The following PRDM16 variants were observed in gnomAD, a reference collection of about 807,000 sequenced individuals.
The protein encoded by PRDM16 is histone-lysine N-methyltransferase PRDM16.
A neutral mutation model predicts 110.6 loss-of-function variants in PRDM16; 23 were observed. The ratio of observed to expected loss-of-function variants is 0.21; its 90% CI spans 0.15 to 0.29. The LOEUF is 0.29. Ranked by LOEUF, PRDM16 falls within the 10% of genes least tolerant of loss-of-function variation. The pLI is 1.00. For synonymous variants in PRDM16, 799 were observed against 781.8 expected (o/e 1.02, Z -0.37); for missense variants, 1,615 against 1,794.3 (o/e 0.90, Z 1.81).
chr1:3,244,436 C>T lies in PRDM16; in HGVS notation c.438+299C>T, dbSNP rs1304089012. Among the ~76,000 whole-genome samples the T allele has an allele frequency of 6.6e-6, 1 of 152,032 alleles. No homozygotes were observed. Among genetic ancestry groups the T allele is most frequent in the Non-Finnish European group, 1.5e-5 (1 of 68,010 alleles). On this transcript the variant is annotated intron_variant, in intron 3 of 16. Transcript: ENST00000270722. This position sits in a 1 kb window ranked among gnomAD's most constrained non-coding sequence, Gnocchi z 4.1. Reference sequence around the variant, plus strand: ...CCTGTACCTGTGGGAAAGCTTCAGGCCACGCAGACAGGAAAATTAAATAAA... The same window carrying T: ...CCTGTACCTGTGGGAAAGCTTCAGGTCACGCAGACAGGAAAATTAAATAAA...
chr1:3,115,351 G>A (rs981193442), intron 1 of PRDM16, among the ~76,000 whole-genome samples: 5 of 152,240 alleles, frequency 3.3e-5, no homozygotes, highest in Non-Finnish European at 1.5e-5. Context: ...GAGTGCAGGG[G>A]GCCTGGAAAG....
intron 3 of PRDM16, among the ~76,000 whole-genome samples, chr1:3,292,053 C>A (rs1159696103): frequency 1.3e-5 from 2 of 152,058 alleles, no homozygotes; most frequent in East Asian, 3.9e-4. Context: ...CAGGAAGGTG[C>A]ATGGCCGCTT....
intron 8 of PRDM16, among the ~76,000 whole-genome samples, chr1:3,407,684 G>A (rs1051941847): frequency 2.0e-5 from 3 of 152,196 alleles, no homozygotes; most frequent in East Asian, 1.9e-4. Flanking sequence ...GCAGACGAGC[G>A]TTCTAAAGTC....
At chr1:3,403,807 C>T (rs562792643) in intron 6 of PRDM16, among the ~76,000 whole-genome samples, 2 of 152,162 alleles carry the variant, frequency 1.3e-5, no homozygotes, top group South Asian at 2.1e-4. Context: ...AGGACAGCCT[C>T]GCAAAGTCAG....
At position 3,223,083 on chromosome 1, in the gene PRDM16, C is replaced by T. The variant is rs376856770; in HGVS notation, c.388-21004C>T. On this transcript the variant is annotated intron_variant, in intron 2 of 16. Transcript: ENST00000270722. The stretch of plus-strand genomic sequence containing the variant: ...GGAGCAGCCAAGGTGGCCCTGCCTC[C>T]GCCGTGGCCAAAATCAAGGCTTTTT... Among the ~76,000 whole-genome samples, 137 of 148,982 alleles carry T rather than the reference C, an allele frequency of 9.2e-4. 1 individual carries two copies. Among genetic ancestry groups the T allele is most frequent in the African/African-American group, 3.0e-3 (119 of 39,646 alleles).
At chr1:3,363,976 G>A (rs1490513968) in intron 3 of PRDM16, among the ~76,000 whole-genome samples, 2 of 151,752 alleles carry the variant, frequency 1.3e-5, no homozygotes, top group African/African-American at 2.4e-5. Context: ...CCCGCCCCCC[G>A]AGCCAGCCCG....
intron 3 of PRDM16, among the ~76,000 whole-genome samples, chr1:3,252,964 G>A (rs1264704938): frequency 6.6e-6 from 1 of 152,092 alleles, no homozygotes; most frequent in East Asian, 1.9e-4. Flanking sequence ...CCCCCTCCCT[G>A]GCTCCGACAC....
chr1:3,181,280 ATG>A (rs1644169957), intron 1 of PRDM16, among the ~76,000 whole-genome samples: 3 of 143,622 alleles, frequency 2.1e-5, no homozygotes, highest in African/African-American at 8.0e-5. Context: ...GGCCTTACGC[ATG>A]GTCTTACACA....
Position 3,186,392 on chromosome 1 carries a change from G to A in PRDM16, c.305G>A (p.Arg102Lys). 6.2e-7 allele frequency: 1 copy of A among 1,606,690 alleles called. No individual in the cohort carries two copies. The highest frequency in any genetic ancestry group is 8.5e-7 in the Non-Finnish European group (1 of 1,177,284). ...GCTGGCCTGGGGGTCTGGGCCAAGAGGAAGATGGAAGCCGGGGAGAGGCTG... is the reference window on the plus strand; with the variant it reads ...GCTGGCCTGGGGGTCTGGGCCAAGAAGAAGATGGAAGCCGGGGAGAGGCTG... ...PGAGLGVWAK[R>K]KMEAGERLGP... Residue 102 changes from arginine (R) to lysine (K), a missense_variant, in exon 2 of 17, where the codon AGG (arginine) becomes AAG (lysine). By Grantham distance (26) the Arg-to-Lys change is conservative. Around this residue, in one of 5 missense-constraint regions of PRDM16, gnomAD observed 416 missense variants for 467.1 expected, o/e 0.89. Coordinates refer to ENST00000270722, the MANE Select transcript of PRDM16 (RefSeq NM_022114.4).
In PRDM16 at chr1:3,414,623, G is replaced by A. The variant is rs774537766; in HGVS notation, c.2667G>A (p.Pro889=). The A allele has an allele frequency of 9.3e-6, 15 of 1,613,112 alleles. No homozygotes were observed. Among genetic ancestry groups the A allele is most frequent in the African/African-American group, 4.0e-5 (3 of 74,898 alleles). The part of the protein sequence containing the change: ...VGALKEKYLR[P]SPLLFHPQMS... ...CCCTGAAGGAGAAGTACCTGCGGCC[G>A]TCCCCGCTGCTCTTCCACCCCCAGG... The change falls in exon 10 of 17, where the codon CCG becomes CCA. Residue 889 remains proline (P), a synonymous_variant. Transcript: ENST00000270722.
chr1:3,287,765 G>A lies in PRDM16; in HGVS notation c.438+43628G>A, dbSNP rs113329910. On this transcript the variant is annotated intron_variant, in intron 3 of 16. Coordinates refer to ENST00000270722, the MANE Select transcript of PRDM16 (RefSeq NM_022114.4). ...GAGCTGCCCCTGCCATGCGGGCATC[G>A]AGGATTGCATTTACCGGGGCTGGAG... 6.7e-3 allele frequency among the ~76,000 whole-genome samples: 759 copies of A among 114,066 alleles called. 19 individuals are homozygous for A. The highest frequency in any genetic ancestry group is 0.014 in the Admixed American group (164 of 11,754). 74.8% of individuals were successfully genotyped at this position (114,066 alleles called of 152,430 possible). A position where few individuals can be genotyped will look rare whatever the true frequency, so the allele number is the denominator to read the frequency against.
Position 3,069,248 on chromosome 1 carries a change from C to T in PRDM16, c.-12C>T. ...CTCAAGGAGGAGGAGAGAGATTCCG[C>T]GAGCCGACACCATGCGATCCAAGGC... On this transcript the variant is annotated 5_prime_UTR_variant, in exon 1 of 17. Coordinates refer to ENST00000270722, the MANE Select transcript of PRDM16 (RefSeq NM_022114.4). This position sits in a 1 kb window ranked among gnomAD's most constrained non-coding sequence, Gnocchi z 6.1. 6.5e-7 allele frequency: 1 copy of T among 1,549,104 alleles called. No individual in the cohort carries two copies. The highest frequency in any genetic ancestry group is 8.7e-7 in the Non-Finnish European group (1 of 1,151,826).
At chr1:3,129,247 CGTGT>C (rs1643280952) in intron 1 of PRDM16, among the ~76,000 whole-genome samples, 1 of 144,428 alleles carries the variant, frequency 6.9e-6, no homozygotes, top group African/African-American at 2.6e-5. Flanking sequence ...CATGTGGGTG[CGTGT>C]GTGTGGGTGT....
At chr1:3,331,450 T>TTGAATGAATGAA (rs59248922) in intron 3 of PRDM16, among the ~76,000 whole-genome samples, 2 of 151,486 alleles carry the variant, frequency 1.3e-5, no homozygotes, top group African/African-American at 4.9e-5. Context: ...AGCACGTTTG[T>TTGAATGAATGAA]TGAATGAATG....
At chr1:3,421,631 A>G (rs2100683158) in intron 12 of PRDM16, among the ~76,000 whole-genome samples, 1 of 152,316 alleles carries the variant, frequency 6.6e-6, no homozygotes, top group Non-Finnish European at 1.5e-5. Flanking sequence ...TCTGCAACCA[A>G]ATTGAACGCA....
chr1:3,122,146 G>C (rs1419565592), intron 1 of PRDM16, among the ~76,000 whole-genome samples: 1 of 152,106 alleles, frequency 6.6e-6, no homozygotes, highest in Non-Finnish European at 1.5e-5. Flanking sequence ...AGACAGCCGG[G>C]CTGTGTGGCA....
chr1:3,387,764 T>C (rs1643225914), intron 4 of PRDM16, among the ~76,000 whole-genome samples: 1 of 152,216 alleles, frequency 6.6e-6, no homozygotes. Flanking sequence ...TGAATTTCAG[T>C]TATCAAACGA....
At chr1:3,161,697 C>A (rs184762990) in intron 1 of PRDM16, among the ~76,000 whole-genome samples, 3 of 152,348 alleles carry the variant, frequency 2.0e-5, no homozygotes, top group African/African-American at 7.2e-5. Context: ...GCAGGCCCGG[C>A]CGCGGGAGCC....
intron 1 of PRDM16, among the ~76,000 whole-genome samples, chr1:3,070,448 C>G (rs959077025): frequency 6.7e-6 from 1 of 148,646 alleles, no homozygotes; most frequent in Non-Finnish European, 1.5e-5. Flanking sequence ...CCCGCAGCCC[C>G]GCCGAAGCCC....
Sources: gnomAD v4.1 joint callset for allele counts (sites outside exome capture counted in the v4.1 genomes callset) on GRCh38, gnomAD v4.1.1 for gene constraint, gnomAD v4.1.1 regional missense constraint, Gnocchi (gnomAD v3.1) non-coding constraint, MANE v1.5 for transcripts, NCBI Gene and HGNC (gene_info 2026-07-23, HGNC 2026-07-21) for gene names.